The following PCDHGB7 variants were observed in gnomAD, a reference collection of about 807,000 sequenced individuals.
PCDHGB7 encodes the protein protocadherin gamma-B7.
Under a neutral mutation model 61.4 loss-of-function variants are expected in PCDHGB7, and 37 were observed. The ratio of observed to expected loss-of-function variants is 0.60; its 90% CI spans 0.46 to 0.79. PCDHGB7 has a LOEUF of 0.79. PCDHGB7 is among the 30% of genes least tolerant of loss of function. PCDHGB7 has a pLI of 0.00. For synonymous variants in PCDHGB7, 464 were observed against 503.5 expected, an observed-to-expected ratio of 0.92 and a Z score of 1.05; for missense variants, 1,166 against 1,202.5, an observed-to-expected ratio of 0.97 and a Z score of 0.45.
intron 1 of PCDHGB7, among the ~76,000 whole-genome samples, chr5:141,434,409 T>G (rs2097692930): frequency 6.6e-6 from 1 of 152,232 alleles, no homozygotes; most frequent in South Asian, 2.1e-4. Context: ...TCTGCAGCAC[T>G]GTGACATGTT....
intron 1 of PCDHGB7, among the ~76,000 whole-genome samples, chr5:141,473,858 C>T (rs569473917): frequency 6.6e-6 from 1 of 152,168 alleles, no homozygotes; most frequent in Non-Finnish European, 1.5e-5. Flanking sequence ...ATGAACCTCG[C>T]TATTGTGGAG....
intron 1 of PCDHGB7, 41 bp downstream of exon 1, chr5:141,420,315 A>G (rs755723069): frequency 6.2e-6 from 9 of 1,440,144 alleles, no homozygotes; most frequent in Non-Finnish European, 8.4e-6. Context: ...TTATATTACA[A>G]TATGCCAATA....
intron 1 of PCDHGB7, chr5:141,478,588 T>G (rs2099465964): frequency 6.3e-7 from 1 of 1,575,000 alleles, no homozygotes; most frequent in African/African-American, 1.4e-5. Flanking sequence ...TAGTGCTTTT[T>G]TATTCCTACA....
chr5:141,478,801 T>G (rs2099477985), intron 1 of PCDHGB7: 1 of 1,463,438 alleles, frequency 6.8e-7, no homozygotes, highest in African/African-American at 1.4e-5. Flanking sequence ...TCAGCACTCT[T>G]TTGCTATCAC....
chr5:141,418,579 A>G lies in PCDHGB7; in HGVS notation c.720A>G (p.Pro240=), dbSNP rs1561774780. 6.2e-7 allele frequency: 1 copy of G among 1,614,000 alleles called. No homozygotes were observed. The highest frequency in any genetic ancestry group is 1.7e-5 in the Admixed American group (1 of 60,026). ...TAATAGATGCCAATGACAACCCCCCAGTGTTCAGCCAGGACGTGTACAGGG... is the reference window on the plus strand; with the variant it reads ...TAATAGATGCCAATGACAACCCCCCGGTGTTCAGCCAGGACGTGTACAGGG... ...ILVIDANDNP[P]VFSQDVYRVS... Residue 240 remains proline (P), a synonymous_variant, in exon 1 of 4, where the codon CCA becomes CCG. Coordinates refer to ENST00000398594, the MANE Select transcript of PCDHGB7 (RefSeq NM_018927.4).
intron 1 of PCDHGB7, among the ~76,000 whole-genome samples, chr5:141,456,105 G>T (rs2098843517): frequency 6.6e-6 from 1 of 151,978 alleles, no homozygotes; most frequent in Non-Finnish European, 1.5e-5. Context: ...CACCGTGTTA[G>T]CCAGGATGGT....
chr5:141,417,854 C>G lies in PCDHGB7; in HGVS notation c.-6C>G. On this transcript the variant is annotated 5_prime_UTR_variant, in exon 1 of 4. Coordinates refer to ENST00000398594, the MANE Select transcript of PCDHGB7 (RefSeq NM_018927.4). ...AGCGGGGACCCAGCGAGAACCCGAG[C>G]GAACGATGGGAGGGAGCTGCGCGCA... The G allele has an allele frequency of 1.3e-6, 2 of 1,543,902 alleles. No individual in the cohort carries two copies. Among genetic ancestry groups the G allele is most frequent in the Non-Finnish European group, 1.8e-6 (2 of 1,142,248 alleles).
intron 1 of PCDHGB7, among the ~76,000 whole-genome samples, chr5:141,473,017 AGAAG>A (rs1484773075): frequency 7.0e-4 from 107 of 151,874 alleles, no homozygotes; most frequent in Middle Eastern, 3.4e-3. Flanking sequence ...AGAAAAAGAA[AGAAG>A]GAAGGAAGGA....
At chr5:141,427,515 G>A (rs753526003) in intron 1 of PCDHGB7, 16 of 596,944 alleles carry the variant, frequency 2.7e-5, no homozygotes, top group African/African-American at 2.2e-4. Context: ...CCTGGATTGG[G>A]AGCGGATCCC....
In PCDHGB7 at chr5:141,485,433, A is replaced by G. The variant is rs2099613324; in HGVS notation, c.2416-9374A>G. On this transcript the variant is annotated intron_variant, in intron 1 of 3. Transcript: ENST00000398594. The surrounding 1 kb of genome is among the most constrained non-coding windows in gnomAD (Gnocchi z 5.7). The stretch of plus-strand genomic sequence containing the variant: ...TTGGACAGCGGAGCCCTGCTCATCA[A>G]GAACCCAATCGACCGAGAGGCACTG... 6 of 1,614,208 alleles carry G rather than the reference A, an allele frequency of 3.7e-6. No homozygotes were observed. Among genetic ancestry groups the G allele is most frequent in the Non-Finnish European group, 5.1e-6 (6 of 1,180,030 alleles).
Position 141,486,407 on chromosome 5 carries a change from C to T in PCDHGB7, c.2416-8400C>T. The T allele has an allele frequency of 6.2e-7, 1 of 1,614,134 alleles. No individual in the cohort carries two copies. Among genetic ancestry groups the T allele is most frequent in the African/African-American group, 1.3e-5 (1 of 75,046 alleles). ...CCAGTTCTCCCTGGTGACTGCTGGA[C>T]CCTTGGATCGAGAGGCCAAATCTAG... On this transcript the variant is annotated intron_variant, in intron 1 of 3. Coordinates refer to ENST00000398594, the MANE Select transcript of PCDHGB7 (RefSeq NM_018927.4). This position sits in a 1 kb window ranked among gnomAD's most constrained non-coding sequence, Gnocchi z 5.0.
At position 141,448,695 on chromosome 5, in the gene PCDHGB7, C is replaced by T. The variant is rs535473305; in HGVS notation, c.2415+28421C>T. 2.7e-4 allele frequency among the ~76,000 whole-genome samples: 41 copies of T among 152,246 alleles called. No homozygotes were observed. In the South Asian group the frequency reaches 8.5e-3, roughly 32 times the overall value. On this transcript the variant is annotated intron_variant, in intron 1 of 3. Coordinates refer to ENST00000398594, the MANE Select transcript of PCDHGB7 (RefSeq NM_018927.4). Reference sequence around the variant, plus strand: ...GTGGCTCACGCCTGTAATCGCAGCACTTTGGGAGGCCGAGGCGGGAGGATC... The same window carrying T: ...GTGGCTCACGCCTGTAATCGCAGCATTTTGGGAGGCCGAGGCGGGAGGATC...
Position 141,489,252 on chromosome 5 carries a change from G to A in PCDHGB7, c.2416-5555G>A. 2 of 1,547,622 alleles carry A rather than the reference G, an allele frequency of 1.3e-6. No individual in the cohort carries two copies. Among genetic ancestry groups the A allele is most frequent in the Non-Finnish European group, 1.7e-6 (2 of 1,147,198 alleles). On this transcript the variant is annotated intron_variant, in intron 1 of 3. Coordinates refer to ENST00000398594, the MANE Select transcript of PCDHGB7 (RefSeq NM_018927.4). The surrounding 1 kb of genome is among the most constrained non-coding windows in gnomAD (Gnocchi z 4.5). ...GGGACTTCTGGGTCATGGGGCCCAAGACACTCCCACAGCTCGCTGGGAAAT... is the reference window on the plus strand; with the variant it reads ...GGGACTTCTGGGTCATGGGGCCCAAAACACTCCCACAGCTCGCTGGGAAAT...
intron 1 of PCDHGB7, among the ~76,000 whole-genome samples, chr5:141,472,001 G>A (rs992798148): frequency 1.1e-4 from 17 of 152,022 alleles, no homozygotes; most frequent in East Asian, 3.9e-4. Context: ...TCCCTGCATC[G>A]TATAGGGGCA....
chr5:141,450,264 C>T (rs1395960399), intron 1 of PCDHGB7, among the ~76,000 whole-genome samples: 1 of 152,112 alleles, frequency 6.6e-6, no homozygotes, highest in Non-Finnish European at 1.5e-5. Flanking sequence ...GTGATCTGCC[C>T]ACCTCAGCTA....
intron 2 of PCDHGB7, 22 bp from the exon 3 acceptor site, chr5:141,505,371 C>G: frequency 1.2e-6 from 2 of 1,613,980 alleles, no homozygotes; most frequent in Non-Finnish European, 1.7e-6. Context: ...AGTCTGTGCT[C>G]ACCATCCTAC....
At chr5:141,484,347 T>C (rs569724902) in intron 1 of PCDHGB7, among the ~76,000 whole-genome samples, 2 of 152,302 alleles carry the variant, frequency 1.3e-5, no homozygotes, top group East Asian at 1.9e-4. Flanking sequence ...AATGGTAATT[T>C]AGTGTATCTA....
At position 141,490,753 on chromosome 5, in the gene PCDHGB7, T is replaced by C; in HGVS notation, c.2416-4054T>C. ...TCAGGTTCAGGGAGCCCCAGCCTCC[T>C]CCTTTGTGTATGTCAACCCAGAGGA... On this transcript the variant is annotated intron_variant, in intron 1 of 3. Transcript: ENST00000398594. This position sits in a 1 kb window ranked among gnomAD's most constrained non-coding sequence, Gnocchi z 5.4. 1 of 1,614,184 alleles carries C rather than the reference T, an allele frequency of 6.2e-7. No individual in the cohort carries two copies. The highest frequency in any genetic ancestry group is 8.5e-7 in the Non-Finnish European group (1 of 1,180,024).
At chr5:141,423,387 G>T (rs373190092) in intron 1 of PCDHGB7, 1 of 1,614,162 alleles carries the variant, frequency 6.2e-7, no homozygotes, top group Non-Finnish European at 8.5e-7. Context: ...TGTGGCGCTG[G>T]CATAAGTCAC....
Sources: allele counts gnomAD v4.1 joint callset (sites outside exome capture counted in the v4.1 genomes callset), GRCh38; gene constraint gnomAD v4.1.1; non-coding constraint Gnocchi (gnomAD v3.1); transcripts MANE v1.5; gene names NCBI Gene and HGNC (gene_info 2026-07-23, HGNC 2026-07-21).